ADCK1: variants seen among roughly 807,000 people sequenced by gnomAD.
ADCK1 encodes aarF domain-containing protein kinase 1.
In ADCK1, 41 loss-of-function variants were observed where a neutral mutation model predicts 52.3. That is an observed-to-expected ratio of 0.78 (90% CI 0.61 to 1.02). The LOEUF (loss-of-function observed/expected upper bound fraction) is 1.02. Among genes scored for constraint, ADCK1 ranks in the 50% least tolerant of loss-of-function variants. The pLI is 0.00. For synonymous variants in ADCK1, 250 were observed against 274.6 expected (o/e 0.91, Z 0.89); for missense variants, 658 against 679.5 (o/e 0.97, Z 0.35).
At chr14:77,812,658 T>G (rs1354163313) in intron 1 of ADCK1, among the ~76,000 whole-genome samples, 5 of 152,106 alleles carry the variant, frequency 3.3e-5, no homozygotes, top group Admixed American at 3.3e-4. Context: ...AGCGTGATCT[T>G]AGCTCACTGC....
At chr14:77,836,773 CTTTTT>C (rs56672313) in intron 3 of ADCK1, among the ~76,000 whole-genome samples, 1 of 41,772 alleles carries the variant, frequency 2.4e-5, no homozygotes, top group Non-Finnish European at 5.2e-5. Context: ...TTCTTTCTTT[CTTTTT>C]TTTTTTTTTT....
At chr14:77,823,483 A>G (rs530598784) in intron 3 of ADCK1, among the ~76,000 whole-genome samples, 35 of 152,320 alleles carry the variant, frequency 2.3e-4, no homozygotes, top group Non-Finnish European at 4.6e-4. Context: ...AGAACAGTAG[A>G]ATGAACTCTG....
rs1427288835 is a variant in ADCK1, at chr14:77,907,868, G to T, written c.807G>T (p.Gly269=). The T allele has an allele frequency of 1.9e-6, 3 of 1,614,060 alleles. No individual in the cohort carries two copies. Among genetic ancestry groups the T allele is most frequent in the Non-Finnish European group, 2.5e-6 (3 of 1,179,950 alleles). Residue 269 remains glycine, a synonymous_variant, in exon 7 of 11, where the codon GGG becomes GGT. Transcript: ENST00000238561. ...RVLLMEFVDG[G]QVNDRDYMER... is the part of the protein sequence containing the mutation. ...TCCTGATGGAGTTTGTGGATGGCGG[G>T]CAGGTCAATGACAGAGACTACATGG... is the stretch of plus-strand genomic sequence containing the variant.
chr14:77,881,444 T>C (rs1324401886), intron 4 of ADCK1, among the ~76,000 whole-genome samples: 4 of 152,170 alleles, frequency 2.6e-5, no homozygotes, highest in African/African-American at 9.6e-5. Context: ...TTGTTGGGAG[T>C]GGATCATTAA....
intron 5 of ADCK1, among the ~76,000 whole-genome samples, chr14:77,894,576 T>C (rs1410683887): frequency 6.6e-6 from 1 of 152,074 alleles, no homozygotes; most frequent in Non-Finnish European, 1.5e-5. Flanking sequence ...TTTTCTACTA[T>C]GTAAAATTGG....
rs1566667356 is a variant in ADCK1 at position 77,852,683 on chromosome 14, A to ATATATTATATATATATATAT, written c.220-6388_220-6387insTATATATATATATATTATAT. Among the ~76,000 whole-genome samples the ATATATTATATATATATATAT allele has an allele frequency of 4.8e-3, 403 of 84,008 alleles. 2 individuals are homozygous for ATATATTATATATATATATAT. The highest frequency in any genetic ancestry group is 7.9e-3 in the Non-Finnish European group (337 of 42,460). 55.1% of individuals were successfully genotyped at this position (84,008 alleles called of 152,430 possible). ...TAAATATATATATATATATATATAT[A>ATATATTATATATATATATAT]TATATATATATATATATATATTTCA... On this transcript the variant is annotated intron_variant, in intron 3 of 10. Coordinates refer to ENST00000238561, the MANE Select transcript of ADCK1 (RefSeq NM_020421.4).
At chr14:77,877,658 A>C (rs1232147822) in intron 4 of ADCK1, among the ~76,000 whole-genome samples, 3 of 152,264 alleles carry the variant, frequency 2.0e-5, no homozygotes, top group Admixed American at 1.3e-4. Flanking sequence ...CATGGTTCAC[A>C]CATGCTGTTC....
chr14:77,927,294 G>A (rs747816756), intron 9 of ADCK1, among the ~76,000 whole-genome samples: 4 of 152,156 alleles, frequency 2.6e-5, no homozygotes, highest in Non-Finnish European at 4.4e-5. Context: ...ACCAACTCTC[G>A]GCTTCTACAG....
chr14:77,906,625 G>A (rs1439346461), intron 6 of ADCK1, among the ~76,000 whole-genome samples: 1 of 152,140 alleles, frequency 6.6e-6, no homozygotes, highest in African/African-American at 2.4e-5. Context: ...ACTGACATAT[G>A]GTTTTGGTGG....
At chr14:77,813,768 T>G (rs1185969751) in intron 1 of ADCK1, among the ~76,000 whole-genome samples, 1 of 127,030 alleles carries the variant, frequency 7.9e-6, no homozygotes, top group East Asian at 2.0e-4. Context: ...TGTTTTCCTG[T>G]TTTTTTTTTG....
At chr14:77,900,176 C>T (rs1350384223) in intron 6 of ADCK1, among the ~76,000 whole-genome samples, 1 of 151,928 alleles carries the variant, frequency 6.6e-6, no homozygotes, top group African/African-American at 2.4e-5. Context: ...TGTTAAATGG[C>T]TAAGAAATAC....
chr14:77,910,969 C>T (rs752430753), intron 7 of ADCK1, among the ~76,000 whole-genome samples: 7 of 152,038 alleles, frequency 4.6e-5, no homozygotes, highest in Non-Finnish European at 7.3e-5. Flanking sequence ...AGATTGGCCT[C>T]TACCAGGCAG....
intron 4 of ADCK1, among the ~76,000 whole-genome samples, chr14:77,863,974 T>TAAGGG (rs2082608555): frequency 1.3e-5 from 2 of 152,062 alleles, no homozygotes; most frequent in Admixed American, 1.3e-4. Context: ...CAGAAATACC[T>TAAGGG]CTGTTAGGGG....
intron 4 of ADCK1, among the ~76,000 whole-genome samples, chr14:77,863,975 C>CAA (rs2082608638): frequency 1.3e-5 from 2 of 152,124 alleles, no homozygotes; most frequent in Admixed American, 1.3e-4. Context: ...AGAAATACCT[C>CAA]TGTTAGGGGC....
intron 4 of ADCK1, among the ~76,000 whole-genome samples, chr14:77,868,919 A>G (rs1231469461): frequency 6.6e-6 from 1 of 152,094 alleles, no homozygotes; most frequent in Admixed American, 6.6e-5. Context: ...GTAATTAGAG[A>G]ACAATTAAGC....
intron 1 of ADCK1, among the ~76,000 whole-genome samples, chr14:77,803,645 T>TA (rs1465736811): frequency 2.6e-5 from 4 of 152,216 alleles, no homozygotes; most frequent in Non-Finnish European, 5.9e-5. Context: ...GCAGCTCTCC[T>TA]AAACATTTGA....
intron 7 of ADCK1, 120 bp downstream of exon 7, chr14:77,908,039 C>A: frequency 1.3e-6 from 1 of 749,440 alleles, no homozygotes; most frequent in Admixed American, 2.5e-5. Context: ...TTTAATAGGG[C>A]CCATTGTCTG....
intron 3 of ADCK1, among the ~76,000 whole-genome samples, chr14:77,839,987 G>C (rs900380279): frequency 6.6e-6 from 1 of 151,610 alleles, no homozygotes; most frequent in Non-Finnish European, 1.5e-5. Context: ...GGTACTCGGG[G>C]CAGGGAATGG....
intron 1 of ADCK1, among the ~76,000 whole-genome samples, chr14:77,814,343 T>A (rs2140014429): frequency 6.6e-6 from 1 of 151,828 alleles, no homozygotes; most frequent in Non-Finnish European, 1.5e-5. Context: ...CTTCCCAAAG[T>A]GCTGGGATTA....
Sources: gnomAD v4.1 joint callset for allele counts (sites outside exome capture counted in the v4.1 genomes callset) on GRCh38, gnomAD v4.1.1 for gene constraint, MANE v1.5 for transcripts, NCBI Gene and HGNC (gene_info 2026-07-23, HGNC 2026-07-21) for gene names.